The following TBC1D1 variants were observed in gnomAD, a reference collection of about 807,000 sequenced individuals.
TBC1D1 encodes TBC1 (tre-2/USP6, BUB2, cdc16) domain family, member 1.
Under a neutral mutation model 125.6 loss-of-function variants are expected in TBC1D1, and 89 were observed. That is an observed-to-expected ratio of 0.71 (90% CI 0.60 to 0.85). The LOEUF (loss-of-function observed/expected upper bound fraction) is 0.85. Among genes scored for constraint, TBC1D1 ranks in the 40% least tolerant of loss-of-function variants. TBC1D1 has a pLI of 0.00. For synonymous variants in TBC1D1, 565 were observed against 564.1 expected (o/e 1.00, Z -0.02); for missense variants, 1,377 against 1,469.2 (o/e 0.94, Z 1.03).
chr4:38,052,728 GCACACACACA>G lies in TBC1D1; in HGVS notation c.1911-1444_1911-1435del, dbSNP rs56153191. On this transcript the variant is annotated intron_variant, in intron 11 of 19. Transcript: ENST00000261439. ...TACACACACACGCGCGCGCGCGCGC[GCACACACACA>G]CACACACACACACACACACACACAC... 1.9e-3 allele frequency among the ~76,000 whole-genome samples: 223 copies of G among 118,336 alleles called. 2 individuals carry two copies. Among genetic ancestry groups the G allele is most frequent in the South Asian group, 0.012 (42 of 3,528 alleles). 77.6% of individuals were successfully genotyped at this position (118,336 alleles called of 152,430 possible). A position where few individuals can be genotyped will look rare whatever the true frequency, so the allele number is the denominator to read the frequency against.
At chr4:38,045,992 C>T (rs891508468) in intron 10 of TBC1D1, 89 bp downstream of exon 10, 22 of 1,190,594 alleles carry the variant, frequency 1.8e-5, no homozygotes, top group African/African-American at 7.6e-5. Context: ...AATCATAAAA[C>T]GTTTGCTGCT....
At chr4:37,903,159 C>A (rs1716477102) in intron 2 of TBC1D1, among the ~76,000 whole-genome samples, 1 of 151,956 alleles carries the variant, frequency 6.6e-6, no homozygotes. Context: ...TTTTCTTTCG[C>A]AAACCTCAGG....
intron 12 of TBC1D1, among the ~76,000 whole-genome samples, chr4:38,074,667 A>C (rs1021912909): frequency 2.0e-5 from 3 of 152,090 alleles, no homozygotes; most frequent in Admixed American, 6.6e-5. Context: ...GTCCCATGTA[A>C]CAACTCTTGA....
chr4:38,094,312 C>T (rs920186043), intron 13 of TBC1D1, among the ~76,000 whole-genome samples: 5 of 152,168 alleles, frequency 3.3e-5, no homozygotes, highest in African/African-American at 7.2e-5. Flanking sequence ...TCCAAGTTGG[C>T]TCAGACATTT....
chr4:37,984,160 C>G (rs761317515), intron 2 of TBC1D1, among the ~76,000 whole-genome samples: 4 of 152,038 alleles, frequency 2.6e-5, no homozygotes, highest in Non-Finnish European at 5.9e-5. Context: ...TATCCATTCA[C>G]CCACAGAAGG....
intron 2 of TBC1D1, among the ~76,000 whole-genome samples, chr4:37,974,995 G>T (rs1050815405): frequency 6.6e-6 from 1 of 152,208 alleles, no homozygotes; most frequent in African/African-American, 2.4e-5. Flanking sequence ...GTGCAGAGAC[G>T]AGAGAGTGTA....
At chr4:38,122,113 T>G (rs553575235) in intron 17 of TBC1D1, among the ~76,000 whole-genome samples, 1 of 152,200 alleles carries the variant, frequency 6.6e-6, no homozygotes, top group Admixed American at 6.5e-5. Flanking sequence ...GGAGGAGTGG[T>G]GGTGAGTGGA....
At chr4:38,042,594 C>T (rs1280277161) in intron 8 of TBC1D1, among the ~76,000 whole-genome samples, 1 of 152,024 alleles carries the variant, frequency 6.6e-6, no homozygotes, top group Non-Finnish European at 1.5e-5. Context: ...TCATTTAAGC[C>T]TCATGACAGC....
In TBC1D1 at chr4:37,977,862, C is replaced by A. The variant is rs1381921190; in HGVS notation, c.418-36647C>A. Among the ~76,000 whole-genome samples the A allele has an allele frequency of 6.6e-6, 1 of 152,088 alleles. No homozygotes were observed. Among genetic ancestry groups the A allele is most frequent in the Non-Finnish European group, 1.5e-5 (1 of 67,988 alleles). Reference sequence around the variant, plus strand: ...CCGCGGAGCTGCCGCTCGGTGCCTCCCCGGCGCGGGACCTCGCGGAAGTCG... The same window carrying A: ...CCGCGGAGCTGCCGCTCGGTGCCTCACCGGCGCGGGACCTCGCGGAAGTCG... On this transcript the variant is annotated intron_variant, in intron 2 of 19. Coordinates refer to ENST00000261439, the MANE Select transcript of TBC1D1 (RefSeq NM_015173.4). The surrounding 1 kb of genome is among the most constrained non-coding windows in gnomAD (Gnocchi z 4.3).
intron 2 of TBC1D1, among the ~76,000 whole-genome samples, chr4:37,941,254 G>T (rs1451477628): frequency 6.6e-6 from 1 of 152,210 alleles, no homozygotes. Context: ...AGTCTTGGGA[G>T]AGTGTATGTG....
intron 11 of TBC1D1, among the ~76,000 whole-genome samples, chr4:38,052,710 ACACGCGCG>A (rs897352960): frequency 5.8e-5 from 5 of 86,474 alleles, no homozygotes; most frequent in African/African-American, 2.1e-4. Context: ...ATATACACAC[ACACGCGCG>A]CGCGCGCGCG....
chr4:37,914,634 C>T (rs1719323317), intron 2 of TBC1D1, among the ~76,000 whole-genome samples: 1 of 152,194 alleles, frequency 6.6e-6, no homozygotes, highest in African/African-American at 2.4e-5. Context: ...ATGCCATTCC[C>T]CTGCTCAAAA....
intron 18 of TBC1D1, among the ~76,000 whole-genome samples, chr4:38,130,314 T>C (rs1161141204): frequency 6.6e-6 from 1 of 152,238 alleles, no homozygotes; most frequent in Non-Finnish European, 1.5e-5. Context: ...TAGCTAGATA[T>C]AAAAGTTGTA....
chr4:38,118,125 C>T lies in TBC1D1; in HGVS notation c.2895C>T (p.Tyr965=), dbSNP rs754964268. The change falls in exon 17 of 20, where the codon TAC becomes TAT. Residue 965 remains tyrosine, a synonymous_variant. Coordinates refer to ENST00000261439, the MANE Select transcript of TBC1D1 (RefSeq NM_015173.4). Reference sequence around the variant, plus strand: ...AGCACGAGATCGGCCCCAGCCTCTACGCTGCCCCCTGGTTCCTCACCATGT... The same window carrying T: ...AGCACGAGATCGGCCCCAGCCTCTATGCTGCCCCCTGGTTCCTCACCATGT... The T allele has an allele frequency of 5.6e-5, 90 of 1,614,098 alleles. No homozygotes were observed. Among genetic ancestry groups the T allele is most frequent in the Non-Finnish European group, 7.4e-5 (87 of 1,180,044 alleles).
chr4:38,056,853 C>T (rs575130765), intron 12 of TBC1D1, among the ~76,000 whole-genome samples: 109 of 152,234 alleles, frequency 7.2e-4, no homozygotes, highest in Middle Eastern at 3.4e-3. Context: ...TTTTTTCCCT[C>T]GCATAGTTTG....
intron 1 of TBC1D1, among the ~76,000 whole-genome samples, chr4:37,893,715 A>G (rs977613002): frequency 2.6e-5 from 4 of 152,126 alleles, no homozygotes; most frequent in Non-Finnish European, 4.4e-5. Flanking sequence ...AGTCCCAGCT[A>G]TTTGGGAGGC....
intron 12 of TBC1D1, among the ~76,000 whole-genome samples, chr4:38,080,953 G>C (rs1256976252): frequency 6.6e-6 from 1 of 152,170 alleles, no homozygotes; most frequent in Non-Finnish European, 1.5e-5. Flanking sequence ...TTATATGAAA[G>C]TGTCAGATAT....
intron 13 of TBC1D1, among the ~76,000 whole-genome samples, chr4:38,093,700 TAG>T (rs1758842759): frequency 7.0e-6 from 1 of 143,884 alleles, no homozygotes. Context: ...TTATTATTAG[TAG>T]TAGTAGTAGT....
chr4:38,006,645 AT>A lies in TBC1D1; in HGVS notation c.418-7857del, dbSNP rs372267941. The A allele has an allele frequency of 3.9e-3, 878 of 223,852 alleles. 3 individuals carry two copies. The highest frequency in any genetic ancestry group is 0.014 in the African/African-American group (609 of 42,174). 13.9% of individuals were successfully genotyped at this position (223,852 alleles called of 1,614,324 possible). ...AGGCATGTGCCACCACGCCCGGCTA[AT>A]TTTTTTGTATTTTTAGTAGAGATGG... On this transcript the variant is annotated intron_variant, in intron 2 of 19. Coordinates refer to ENST00000261439, the MANE Select transcript of TBC1D1 (RefSeq NM_015173.4).
Sources: gnomAD v4.1 joint callset for allele counts (sites outside exome capture counted in the v4.1 genomes callset) on GRCh38, gnomAD v4.1.1 for gene constraint, Gnocchi (gnomAD v3.1) non-coding constraint, MANE v1.5 for transcripts, NCBI Gene and HGNC (gene_info 2026-07-23, HGNC 2026-07-21) for gene names.